TRPM3: variants seen among roughly 807,000 people sequenced by gnomAD.
The protein encoded by TRPM3 is long transient receptor potential channel 3.
A neutral mutation model predicts 181.2 loss-of-function variants in TRPM3; 77 were observed. That is an observed-to-expected ratio of 0.42 (90% CI 0.35 to 0.51). The LOEUF is 0.51. Among genes scored for constraint, TRPM3 ranks in the 20% least tolerant of loss-of-function variants. TRPM3 has a pLI of 0.01. For synonymous variants in TRPM3, 745 were observed against 796.4 expected (o/e 0.94, Z 1.09); for missense variants, 1,759 against 2,196.7 (o/e 0.80, Z 3.98).
intron 1 of TRPM3, among the ~76,000 whole-genome samples, chr9:70,953,417 A>C (rs546586108): frequency 3.9e-5 from 6 of 152,298 alleles, no homozygotes; most frequent in African/African-American, 9.6e-5. Context: ...AAAAAGAAAA[A>C]TAAATACAGT....
chr9:71,417,720 T>A (rs2093658019), intron 1 of TRPM3, among the ~76,000 whole-genome samples: 1 of 152,006 alleles, frequency 6.6e-6, no homozygotes. Context: ...CTTTTATTAT[T>A]TCACATAGAC....
At chr9:71,283,761 A>G (rs760044223) in intron 1 of TRPM3, among the ~76,000 whole-genome samples, 47 of 152,102 alleles carry the variant, frequency 3.1e-4, no homozygotes, top group Non-Finnish European at 6.0e-4. Context: ...ATTCTTTTGG[A>G]TCTATACCCA....
chr9:71,120,860 C>T (rs569039471), intron 1 of TRPM3, among the ~76,000 whole-genome samples: 1 of 152,292 alleles, frequency 6.6e-6, no homozygotes, highest in African/African-American at 2.4e-5. Context: ...TTCCCACCCT[C>T]CCAAAGAAGT....
rs148363023 is a variant in TRPM3 at position 71,008,898 on chromosome 9, A to C, written c.177+112280T>G. On this transcript the variant is annotated intron_variant, in intron 1 of 25. Coordinates refer to ENST00000677713, the MANE Select transcript of TRPM3 (RefSeq NM_001366145.2). ...TACCATGTCAATTGGGATTCATCCCAAAGATGCAAGGATGGTTCAAAATAT... is the reference window on the plus strand; with the variant it reads ...TACCATGTCAATTGGGATTCATCCCCAAGATGCAAGGATGGTTCAAAATAT... 4.7e-4 allele frequency among the ~76,000 whole-genome samples: 71 copies of C among 152,394 alleles called. 1 individual carries two copies. The highest frequency in any genetic ancestry group is 1.6e-3 in the African/African-American group (67 of 41,600).
At chr9:71,405,664 T>C (rs1348584663) in intron 1 of TRPM3, among the ~76,000 whole-genome samples, 2 of 152,224 alleles carry the variant, frequency 1.3e-5, no homozygotes, top group African/African-American at 4.8e-5. Context: ...CTAATTGTTT[T>C]GTAATAAAAT....
chr9:71,074,516 G>A (rs1240454688), intron 1 of TRPM3, among the ~76,000 whole-genome samples: 3 of 152,108 alleles, frequency 2.0e-5, no homozygotes, highest in African/African-American at 2.4e-5. Flanking sequence ...TCTCTTTAGC[G>A]AGGTATTAGG....
intron 7 of TRPM3, among the ~76,000 whole-genome samples, chr9:70,765,230 C>T (rs11142573): frequency 0.15 from 23,039 of 152,104 alleles, 2,335 homozygotes; most frequent in East Asian, 0.39. Context: ...TTTCCTAATC[C>T]GTATCAGGGA....
At chr9:71,229,203 T>C (rs2080887258) in intron 1 of TRPM3, among the ~76,000 whole-genome samples, 1 of 152,058 alleles carries the variant, frequency 6.6e-6, no homozygotes, top group Non-Finnish European at 1.5e-5. Context: ...AGGTGCCAAA[T>C]GCATGCATTG....
intron 3 of TRPM3, among the ~76,000 whole-genome samples, chr9:70,855,788 G>C (rs542288084): frequency 2.0e-5 from 3 of 152,214 alleles, no homozygotes; most frequent in African/African-American, 7.2e-5. Flanking sequence ...AGACTACTAA[G>C]GCAATTTTGC....
At position 70,864,416 on chromosome 9, in the gene TRPM3, T is replaced by C. The variant is rs773150192; in HGVS notation, c.257+16A>G. On this transcript the variant is annotated intron_variant, in intron 2 of 25. Transcript: ENST00000677713. ...TTACTACTTCATGTTCTCAACATTATAGACAGCAAGATTACCTATGGGGGT... is the reference window on the plus strand; with the variant it reads ...TTACTACTTCATGTTCTCAACATTACAGACAGCAAGATTACCTATGGGGGT... 1.3e-5 allele frequency: 19 copies of C among 1,477,502 alleles called. No individual in the cohort carries two copies. Among genetic ancestry groups the C allele is most frequent in the South Asian group, 4.6e-5 (3 of 64,870 alleles). 91.5% of individuals were successfully genotyped at this position (1,477,502 alleles called of 1,614,324 possible). A position where few individuals can be genotyped will look rare whatever the true frequency, so the allele number is the denominator to read the frequency against.
At chr9:70,911,238 G>A (rs534145897) in intron 1 of TRPM3, among the ~76,000 whole-genome samples, 2 of 152,258 alleles carry the variant, frequency 1.3e-5, no homozygotes, top group Non-Finnish European at 2.9e-5. Context: ...CTTTGGAAAG[G>A]ATTTTATTAT....
At chr9:70,659,700 G>C (rs2060845913) in intron 9 of TRPM3, among the ~76,000 whole-genome samples, 1 of 152,068 alleles carries the variant, frequency 6.6e-6, no homozygotes, top group South Asian at 2.1e-4. Context: ...CTACAATTTG[G>C]ACTGAATTCT....
At chr9:71,311,833 C>T (rs2087975912) in intron 1 of TRPM3, among the ~76,000 whole-genome samples, 1 of 151,954 alleles carries the variant, frequency 6.6e-6, no homozygotes, top group Admixed American at 6.6e-5. Flanking sequence ...ACAAACCACA[C>T]ACACACACAA....
chr9:71,205,797 C>G (rs1020935480), intron 1 of TRPM3, among the ~76,000 whole-genome samples: 8 of 152,162 alleles, frequency 5.3e-5, no homozygotes, highest in African/African-American at 1.9e-4. Context: ...TGGCCTGAGA[C>G]TGTCATCAGA....
intron 1 of TRPM3, among the ~76,000 whole-genome samples, chr9:71,109,282 T>C (rs1182843240): frequency 6.6e-6 from 1 of 151,838 alleles, no homozygotes; most frequent in Non-Finnish European, 1.5e-5. Flanking sequence ...ATATACATCC[T>C]ACTGCTTCTG....
intron 1 of TRPM3, among the ~76,000 whole-genome samples, chr9:71,077,520 G>A (rs1253760604): frequency 1.3e-5 from 2 of 152,168 alleles, no homozygotes; most frequent in African/African-American, 4.8e-5. Flanking sequence ...AACAGTGGGT[G>A]TATCACTTTG....
At chr9:71,167,353 C>G (rs1267391641) in intron 1 of TRPM3, among the ~76,000 whole-genome samples, 1 of 152,096 alleles carries the variant, frequency 6.6e-6, no homozygotes, top group Non-Finnish European at 1.5e-5. Flanking sequence ...TTAAAATGTA[C>G]TATTATTTTA....
intron 1 of TRPM3, among the ~76,000 whole-genome samples, chr9:70,876,071 A>G (rs541908282): frequency 2.0e-5 from 3 of 151,846 alleles, no homozygotes; most frequent in African/African-American, 7.2e-5. Flanking sequence ...GCTAGTCTTT[A>G]ATTTGGTTAT....
chr9:70,820,096 C>T (rs768120402), intron 6 of TRPM3, among the ~76,000 whole-genome samples: 3 of 152,180 alleles, frequency 2.0e-5, no homozygotes, highest in African/African-American at 7.2e-5. Context: ...TATGACTACT[C>T]TAAGACACTG....
Sources: gnomAD v4.1 joint callset for allele counts (sites outside exome capture counted in the v4.1 genomes callset) on GRCh38, gnomAD v4.1.1 for gene constraint, MANE v1.5 for transcripts, NCBI Gene and HGNC (gene_info 2026-07-23, HGNC 2026-07-21) for gene names.